DPY19L1: variants seen among roughly 807,000 people sequenced by gnomAD.
DPY19L1 encodes dpy-19 like C-mannosyltransferase 1.
Under a neutral mutation model 96.9 loss-of-function variants are expected in DPY19L1, and 35 were observed. The ratio of observed to expected loss-of-function variants is 0.36; its 90% CI spans 0.28 to 0.48. DPY19L1 has a LOEUF of 0.48. Ranked by LOEUF, DPY19L1 falls within the 20% of genes least tolerant of loss-of-function variation. The pLI is 0.99. For missense variants in DPY19L1, 521 were observed against 777.9 expected, an observed-to-expected ratio of 0.67 and a Z score of 3.93; for synonymous variants, 205 against 252.6, an observed-to-expected ratio of 0.81 and a Z score of 1.79.
intron 4 of DPY19L1, among the ~76,000 whole-genome samples, chr7:35,012,949 T>TAA (rs1785750118): frequency 5.0e-5 from 7 of 138,986 alleles, no homozygotes; most frequent in Non-Finnish European, 9.8e-5. Context: ...TAGAGAACAC[T>TAA]GATATATATA....
At chr7:34,974,921 T>C (rs886583759) in intron 7 of DPY19L1, among the ~76,000 whole-genome samples, 13 of 152,306 alleles carry the variant, frequency 8.5e-5, no homozygotes, top group African/African-American at 3.1e-4. Flanking sequence ...CAGTAATCTC[T>C]GATATTACTA....
chr7:35,004,392 A>G lies in DPY19L1; in HGVS notation c.764+6076T>C, dbSNP rs976864532. Among the ~76,000 whole-genome samples, 30 of 152,250 alleles carry G rather than the reference A, an allele frequency of 2.0e-4. 1 individual carries two copies. Among genetic ancestry groups the G allele is most frequent in the African/African-American group, 7.2e-4 (30 of 41,462 alleles). On this transcript the variant is annotated intron_variant, in intron 6 of 21. Coordinates refer to ENST00000638088, the MANE Select transcript of DPY19L1 (RefSeq NM_001366673.1). ...TTTCAAAACTAAACACACCATATTT[A>G]AGGGTAAACACATGAGTGGCACAAT...
chr7:34,985,597 A>G (rs896156844), intron 7 of DPY19L1, among the ~76,000 whole-genome samples: 4 of 152,068 alleles, frequency 2.6e-5, no homozygotes, highest in Admixed American at 2.6e-4. Flanking sequence ...CTCAAACCAT[A>G]GGGGAAATTC....
At position 35,027,668 on chromosome 7, in the gene DPY19L1, T is replaced by TAAAA. The variant is rs57262214; in HGVS notation, c.299-9076_299-9073dup. On this transcript the variant is annotated intron_variant, in intron 1 of 21. Coordinates refer to ENST00000638088, the MANE Select transcript of DPY19L1 (RefSeq NM_001366673.1). ...CAACATGGCAAAACCCCGTCTCTACTAAAAAAAAAAAAAAAAAAAATTAGT... is the reference window on the plus strand; with the variant it reads ...CAACATGGCAAAACCCCGTCTCTACTAAAAAAAAAAAAAAAAAAAAAAAATTAGT... Among the ~76,000 whole-genome samples, 319 of 71,368 alleles carry TAAAA rather than the reference T, an allele frequency of 4.5e-3. 18 individuals are homozygous for TAAAA. Among genetic ancestry groups the TAAAA allele is most frequent in the African/African-American group, 0.013 (288 of 22,894 alleles). The allele number at this position is 71,368 out of a possible 152,430, so 46.8% of individuals were successfully genotyped here. A position where few individuals can be genotyped will look rare whatever the true frequency, so the allele number is the denominator to read the frequency against.
chr7:35,011,325 C>T lies in DPY19L1; in HGVS notation c.670+5G>A. ...AACTGGACAATATTACAGAAAGAAACTTACCTTCACAGCTTTCAATAGGAC... is the reference window on the plus strand; with the variant it reads ...AACTGGACAATATTACAGAAAGAAATTTACCTTCACAGCTTTCAATAGGAC... On this transcript the variant is annotated splice_donor_5th_base_variant and intron_variant, in intron 5 of 21. Coordinates refer to ENST00000638088, the MANE Select transcript of DPY19L1 (RefSeq NM_001366673.1). 1 of 1,611,206 alleles carries T rather than the reference C, an allele frequency of 6.2e-7. No homozygotes were observed. The highest frequency in any genetic ancestry group is 8.5e-7 in the Non-Finnish European group (1 of 1,179,524).
At chr7:34,988,552 C>T (rs376860337) in intron 7 of DPY19L1, among the ~76,000 whole-genome samples, 1 of 152,014 alleles carries the variant, frequency 6.6e-6, no homozygotes, top group Admixed American at 6.6e-5. Flanking sequence ...AGCTAAGTAT[C>T]CATTAGTAAC....
At chr7:34,998,233 G>A (rs1288230784) in intron 6 of DPY19L1, among the ~76,000 whole-genome samples, 6 of 152,142 alleles carry the variant, frequency 3.9e-5, no homozygotes, top group Non-Finnish European at 7.3e-5. Flanking sequence ...TCTACAAAAG[G>A]ACGTCCAGGC....
intron 3 of DPY19L1, among the ~76,000 whole-genome samples, chr7:35,014,760 A>T (rs1216284793): frequency 3.3e-5 from 5 of 152,310 alleles, no homozygotes; most frequent in Non-Finnish European, 7.3e-5. Context: ...TGGAAATGGG[A>T]TTCTTGCAGA....
chr7:34,981,055 G>T (rs1200286509), intron 7 of DPY19L1, among the ~76,000 whole-genome samples: 1 of 152,112 alleles, frequency 6.6e-6, no homozygotes, highest in Non-Finnish European at 1.5e-5. Flanking sequence ...AGCCTGCCTG[G>T]GGGTTGGAAA....
intron 1 of DPY19L1, among the ~76,000 whole-genome samples, chr7:35,023,130 G>C (rs911548136): frequency 2.6e-5 from 4 of 152,122 alleles, no homozygotes; most frequent in African/African-American, 9.7e-5. Context: ...AAAGGACGAA[G>C]ACACTGAACA....
chr7:34,998,630 C>G (rs984076665), intron 6 of DPY19L1, among the ~76,000 whole-genome samples: 2 of 152,140 alleles, frequency 1.3e-5, no homozygotes, highest in Non-Finnish European at 2.9e-5. Context: ...GGCTGGTAAA[C>G]GAAAAAGCAA....
At chr7:35,021,142 G>A (rs1206773192) in intron 1 of DPY19L1, among the ~76,000 whole-genome samples, 5 of 152,072 alleles carry the variant, frequency 3.3e-5, no homozygotes, top group Non-Finnish European at 5.9e-5. Context: ...TGGTAAATGG[G>A]GGCACTCTTG....
intron 7 of DPY19L1, among the ~76,000 whole-genome samples, chr7:34,978,376 A>G (rs1231979695): frequency 6.6e-6 from 1 of 152,210 alleles, no homozygotes; most frequent in African/African-American, 2.4e-5. Context: ...AATATTAACT[A>G]TAATAATGCT....
chr7:34,950,313 G>T (rs1489518350), intron 13 of DPY19L1, among the ~76,000 whole-genome samples: 1 of 152,172 alleles, frequency 6.6e-6, no homozygotes, highest in East Asian at 1.9e-4. Context: ...TTCTGAAAAG[G>T]AGATTGAAAA....
At chr7:34,942,467 T>C in intron 17 of DPY19L1, 148 bp downstream of exon 17, 2 of 686,532 alleles carry the variant, frequency 2.9e-6, no homozygotes, top group South Asian at 1.7e-5. Flanking sequence ...TGAATCTGCA[T>C]ATAGCATTCT....
At chr7:34,937,240 C>T (rs1783887734) in intron 21 of DPY19L1, among the ~76,000 whole-genome samples, 1 of 152,204 alleles carries the variant, frequency 6.6e-6, no homozygotes, top group Non-Finnish European at 1.5e-5. Flanking sequence ...AAGTGGGTCA[C>T]AGTAGAGTCA....
At chr7:35,028,352 G>A (rs1786177162) in intron 1 of DPY19L1, among the ~76,000 whole-genome samples, 1 of 152,178 alleles carries the variant, frequency 6.6e-6, no homozygotes. Flanking sequence ...AAACAGGAGA[G>A]CATGGAAAGT....
chr7:35,034,374 T>C (rs1459201768), intron 1 of DPY19L1, among the ~76,000 whole-genome samples: 5 of 152,192 alleles, frequency 3.3e-5, no homozygotes, highest in Non-Finnish European at 5.9e-5. Context: ...ATAAAATGTA[T>C]TGTTACAATG....
Position 35,011,373 on chromosome 7 carries a change from C to G in DPY19L1, c.627G>C (p.Thr209=). Reference sequence around the variant, plus strand: ...GACTGAGTCCTTCTCCTCTGGTAACCGTCCAACATATCTTGGTTTGAATAC... The same window carrying G: ...GACTGAGTCCTTCTCCTCTGGTAACGGTCCAACATATCTTGGTTTGAATAC... ...LIGIQTKICW[T]VTRGEGLSPI... Residue 209 remains threonine, a synonymous_variant, in exon 5 of 22, where the codon ACG becomes ACC. Coordinates refer to ENST00000638088, the MANE Select transcript of DPY19L1 (RefSeq NM_001366673.1). The G allele has an allele frequency of 6.2e-7, 1 of 1,613,466 alleles. No homozygotes were observed. Among genetic ancestry groups the G allele is most frequent in the East Asian group, 2.2e-5 (1 of 44,836 alleles).
Sources: allele counts gnomAD v4.1 joint callset (sites outside exome capture counted in the v4.1 genomes callset), GRCh38; gene constraint gnomAD v4.1.1; transcripts MANE v1.5; gene names NCBI Gene and HGNC (gene_info 2026-07-23, HGNC 2026-07-21).